The following NEK10 variants were observed in gnomAD, a reference collection of about 807,000 sequenced individuals.
The protein encoded by NEK10 is serine/threonine-protein kinase Nek10.
In NEK10, 122 loss-of-function variants were observed where a neutral mutation model predicts 159.8. The observed-to-expected ratio is 0.76, with a 90% CI of 0.66 to 0.89. NEK10 has a LOEUF of 0.89. Among genes scored for constraint, NEK10 ranks in the 40% least tolerant of loss-of-function variants. The pLI, the probability that NEK10 is intolerant of heterozygous loss-of-function variation, is 0.00. For synonymous variants in NEK10, 466 were observed against 457.1 expected (o/e 1.02, Z -0.25); for missense variants, 1,342 against 1,323.1 (o/e 1.01, Z -0.22).
chr3:27,202,425 T>G lies in NEK10; in HGVS notation c.2220+3A>C. The G allele has an allele frequency of 6.2e-7, 1 of 1,605,616 alleles. No homozygotes were observed. On this transcript the variant is annotated splice_donor_region_variant and intron_variant, in intron 24 of 35. Transcript: ENST00000691995. ...GACCCTTCTGTCTCCCAGCGTTGCT[T>G]ACTTTTGTAGCCAAGGACAGCATGT...
At chr3:27,291,762 C>A (rs1454010238) in intron 16 of NEK10, among the ~76,000 whole-genome samples, 176 bp from the exon 17 acceptor site, 1 of 152,162 alleles carries the variant, frequency 6.6e-6, no homozygotes, top group Non-Finnish European at 1.5e-5. Flanking sequence ...CCTGCCTCAG[C>A]CTCCCAAGTA....
At chr3:27,200,958 G>A (rs569121847) in intron 25 of NEK10, among the ~76,000 whole-genome samples, 1 of 152,298 alleles carries the variant, frequency 6.6e-6, no homozygotes, top group African/African-American at 2.4e-5. Context: ...GAGCATGGGT[G>A]ACAGGCCAGC....
At chr3:27,253,957 G>A (rs1387327591) in intron 23 of NEK10, among the ~76,000 whole-genome samples, 2 of 151,982 alleles carry the variant, frequency 1.3e-5, no homozygotes, top group Non-Finnish European at 2.9e-5. Flanking sequence ...CCCAGCCCAC[G>A]CCCTGGCATG....
intron 5 of NEK10, among the ~76,000 whole-genome samples, chr3:27,323,025 G>A (rs2045759588): frequency 6.6e-6 from 1 of 152,290 alleles, no homozygotes; most frequent in Non-Finnish European, 1.5e-5. Flanking sequence ...GAAACACAGG[G>A]ATAAAGTATT....
At chr3:27,164,602 C>T (rs911764376) in intron 29 of NEK10, among the ~76,000 whole-genome samples, 5 of 152,198 alleles carry the variant, frequency 3.3e-5, no homozygotes, top group Admixed American at 3.3e-4. Flanking sequence ...CCCTCAGTTG[C>T]ACTGGCCACA....
chr3:27,336,976 G>A (rs190841218), intron 5 of NEK10, among the ~76,000 whole-genome samples: 1 of 151,724 alleles, frequency 6.6e-6, no homozygotes, highest in East Asian at 1.9e-4. Context: ...AGTACTGGAA[G>A]TCCTAGCCAG....
chr3:27,170,062 G>C (rs1946811819), intron 29 of NEK10, among the ~76,000 whole-genome samples: 1 of 152,132 alleles, frequency 6.6e-6, no homozygotes, highest in African/African-American at 2.4e-5. Flanking sequence ...TGATCCTCCA[G>C]AGTCTAAATT....
At chr3:27,266,966 A>G (rs544443401) in intron 22 of NEK10, among the ~76,000 whole-genome samples, 33 of 152,266 alleles carry the variant, frequency 2.2e-4, no homozygotes, top group African/African-American at 7.5e-4. Context: ...AGCAGACAAC[A>G]TACCATGAAA....
At chr3:27,252,066 T>C (rs1047923485) in intron 23 of NEK10, among the ~76,000 whole-genome samples, 1 of 152,182 alleles carries the variant, frequency 6.6e-6, no homozygotes, top group Admixed American at 6.5e-5. Flanking sequence ...CTTCAATTAT[T>C]CAAAGTATTT....
At chr3:27,183,846 A>G (rs1180689911) in intron 26 of NEK10, among the ~76,000 whole-genome samples, 1 of 152,138 alleles carries the variant, frequency 6.6e-6, no homozygotes, top group African/African-American at 2.4e-5. Flanking sequence ...AATGTGCTCA[A>G]CCTCATTGAT....
At chr3:27,310,489 A>T (rs2044604133) in intron 9 of NEK10, 1 of 152,414 alleles carries the variant, frequency 6.6e-6, no homozygotes. Context: ...ACATGGCTAC[A>T]GTCTAAACAG....
intron 5 of NEK10, among the ~76,000 whole-genome samples, chr3:27,333,546 CAA>C (rs141145764): frequency 3.2e-4 from 34 of 105,920 alleles, no homozygotes; most frequent in Admixed American, 5.0e-4. Context: ...AACTCCGTCT[CAA>C]AAAAAAAAAA....
At chr3:27,351,301 C>T (rs1196870792) in intron 3 of NEK10, among the ~76,000 whole-genome samples, 2 of 152,098 alleles carry the variant, frequency 1.3e-5, no homozygotes, top group African/African-American at 4.8e-5. Flanking sequence ...AACTGTATGC[C>T]TAGCCATCTT....
At chr3:27,151,250 C>T (rs1261029818) in intron 30 of NEK10, among the ~76,000 whole-genome samples, 1 of 152,132 alleles carries the variant, frequency 6.6e-6, no homozygotes, top group Non-Finnish European at 1.5e-5. Flanking sequence ...GAGTCCATTG[C>T]AACCCCCGCC....
At chr3:27,122,618 C>T (rs191102126) in intron 32 of NEK10, among the ~76,000 whole-genome samples, 142 of 152,194 alleles carry the variant, frequency 9.3e-4, no homozygotes, top group African/African-American at 3.2e-3. Flanking sequence ...CTGGTATTAC[C>T]TTTCAAATGA....
intron 26 of NEK10, among the ~76,000 whole-genome samples, chr3:27,180,770 A>C (rs1268558300): frequency 6.6e-6 from 1 of 152,006 alleles, no homozygotes; most frequent in Non-Finnish European, 1.5e-5. Context: ...AAGAGTCACC[A>C]TTGTCTTTTG....
rs765328192 is a variant in NEK10 at position 27,352,511 on chromosome 3, A to G, written c.86T>C (p.Leu29Pro). Reference protein sequence around the residue: ...QEITIRDYSDLKRLRCLLNVQ... With the variant: ...QEITIRDYSDPKRLRCLLNVQ... Reference sequence around the variant, plus strand: ...GTTCAAAAGGCACCGAAGTCTTTTAAGATCTGAATAGTCCCTAGGAGAGAG... The same window carrying G: ...GTTCAAAAGGCACCGAAGTCTTTTAGGATCTGAATAGTCCCTAGGAGAGAG... The change falls in exon 3 of 36, where the codon CTT becomes CCT. Residue 29 changes from leucine to proline, a missense_variant. Leu to Pro is a moderately conservative substitution (Grantham distance 98). Coordinates refer to ENST00000691995, the MANE Select transcript of NEK10 (RefSeq NM_001394966.1). 2 of 1,609,014 alleles carry G rather than the reference A, an allele frequency of 1.2e-6. No individual in the cohort carries two copies. The highest frequency in any genetic ancestry group is 3.3e-5 in the Admixed American group (2 of 59,908).
intron 31 of NEK10, among the ~76,000 whole-genome samples, chr3:27,138,765 T>C (rs1006062431): frequency 1.3e-5 from 2 of 152,158 alleles, no homozygotes; most frequent in African/African-American, 4.8e-5. Context: ...TTGTTGCCAA[T>C]AGGACATGGG....
At chr3:27,312,292 AAAT>A (rs1421209253) in intron 7 of NEK10, 115 bp from the exon 8 acceptor site, 1 of 555,198 alleles carries the variant, frequency 1.8e-6, no homozygotes, top group Admixed American at 3.6e-5. Context: ...CAGATTCATC[AAAT>A]AATACTCTCA....
Sources: gnomAD v4.1 joint callset for allele counts (sites outside exome capture counted in the v4.1 genomes callset) on GRCh38, gnomAD v4.1.1 for gene constraint, MANE v1.5 for transcripts, NCBI Gene and HGNC (gene_info 2026-07-23, HGNC 2026-07-21) for gene names.